The following HTR1F variants were observed in gnomAD, a reference collection of about 807,000 sequenced individuals.
HTR1F encodes the protein 5-hydroxytryptamine receptor 1F, also known as 5-hydroxytryptamine (serotonin) receptor 1F, G protein-coupled.
Under a neutral mutation model 24.0 loss-of-function variants are expected in HTR1F, and 17 were observed. The observed-to-expected ratio is 0.71, with a 90% confidence interval of 0.48 to 1.06. HTR1F has a LOEUF of 1.06. Among genes scored for constraint, HTR1F ranks in the 50% least tolerant of loss-of-function variants. HTR1F has a pLI of 0.00. For synonymous variants in HTR1F, 186 were observed against 156.8 expected (o/e 1.19, Z -1.39); for missense variants, 391 against 427.8 (o/e 0.91, Z 0.76).
chr3:87,870,989 GAA>G (rs35317346), intron 2 of HTR1F, among the ~76,000 whole-genome samples: 22 of 135,148 alleles, frequency 1.6e-4, no homozygotes, highest in Admixed American at 5.3e-4. Context: ...CCAAATCTCA[GAA>G]AAAAAAAAAA....
At chr3:87,819,896 G>C (rs967848470) in intron 1 of HTR1F, among the ~76,000 whole-genome samples, 1 of 151,920 alleles carries the variant, frequency 6.6e-6, no homozygotes, top group Non-Finnish European at 1.5e-5. Context: ...TGAGAAAAAA[G>C]TTAAATAGTA....
chr3:87,883,384 TG>T (rs762355890), intron 2 of HTR1F, among the ~76,000 whole-genome samples: 1 of 152,076 alleles, frequency 6.6e-6, no homozygotes, highest in South Asian at 2.1e-4. Context: ...GCAGAAAAGC[TG>T]AAAATTCTAA....
intron 2 of HTR1F, among the ~76,000 whole-genome samples, chr3:87,922,365 G>T (rs1451903263): frequency 2.0e-5 from 3 of 151,400 alleles, no homozygotes; most frequent in South Asian, 2.1e-4. Flanking sequence ...TTTGAAATCA[G>T]ATTTTTTTCT....
intron 2 of HTR1F, among the ~76,000 whole-genome samples, chr3:87,850,464 G>A (rs1050874050): frequency 6.6e-6 from 1 of 151,740 alleles, no homozygotes; most frequent in African/African-American, 2.4e-5. Flanking sequence ...GTTGTGGGGT[G>A]GGGGGAGTGG....
At chr3:87,823,404 G>T (rs1382682391) in intron 2 of HTR1F, among the ~76,000 whole-genome samples, 1 of 152,034 alleles carries the variant, frequency 6.6e-6, no homozygotes, top group Non-Finnish European at 1.5e-5. Flanking sequence ...CTACTTCGTA[G>T]TTCATCTTCC....
At chr3:87,857,920 T>TAAC (rs1321881729) in intron 2 of HTR1F, among the ~76,000 whole-genome samples, 1 of 152,166 alleles carries the variant, frequency 6.6e-6, no homozygotes, top group Non-Finnish European at 1.5e-5. Flanking sequence ...ATGATAATAA[T>TAAC]AACACTATTA....
chr3:87,946,915 AC>A (rs1293938824), intron 2 of HTR1F, among the ~76,000 whole-genome samples: 15 of 152,126 alleles, frequency 9.9e-5, no homozygotes, highest in Admixed American at 1.3e-4. Context: ...ATGAGCCACC[AC>A]GCCCAGCCCA....
chr3:87,874,401 AAAG>A (rs1705624551), intron 2 of HTR1F, among the ~76,000 whole-genome samples: 1 of 152,154 alleles, frequency 6.6e-6, no homozygotes, highest in African/African-American at 2.4e-5. Flanking sequence ...ATAGCATCAC[AAAG>A]AATAAAATAC....
chr3:87,939,322 G>C (rs1350624224), intron 2 of HTR1F, among the ~76,000 whole-genome samples: 1 of 152,160 alleles, frequency 6.6e-6, no homozygotes, highest in East Asian at 1.9e-4. Context: ...AGGGATATTG[G>C]CCTGAAATTT....
chr3:87,855,794 G>T (rs1188302860), intron 2 of HTR1F, among the ~76,000 whole-genome samples: 1 of 152,024 alleles, frequency 6.6e-6, no homozygotes, highest in Non-Finnish European at 1.5e-5. Context: ...GTCCCTCTCA[G>T]GAATGTGAAT....
chr3:87,934,109 C>T (rs1188575167), intron 2 of HTR1F, among the ~76,000 whole-genome samples: 1 of 152,200 alleles, frequency 6.6e-6, no homozygotes, highest in Non-Finnish European at 1.5e-5. Context: ...AATTTGCAAG[C>T]TATTCATCAG....
intron 2 of HTR1F, among the ~76,000 whole-genome samples, chr3:87,876,436 TAAAAAAG>T (rs1559615158): frequency 1.3e-5 from 2 of 152,104 alleles, no homozygotes; most frequent in South Asian, 4.1e-4. Flanking sequence ...TATTCAGTCT[TAAAAAAG>T]AAAGACATCT....
chr3:87,878,371 A>G (rs1705715823), intron 2 of HTR1F, among the ~76,000 whole-genome samples: 5 of 152,204 alleles, frequency 3.3e-5, no homozygotes, highest in Admixed American at 1.3e-4. Flanking sequence ...TAAATGCTAA[A>G]TCATTTTATG....
intron 2 of HTR1F, among the ~76,000 whole-genome samples, chr3:87,854,485 G>A (rs1190244157): frequency 2.0e-5 from 3 of 151,544 alleles, no homozygotes; most frequent in African/African-American, 7.3e-5. Context: ...CCTAGGGTAG[G>A]TGTGGCTATA....
intron 2 of HTR1F, among the ~76,000 whole-genome samples, chr3:87,845,474 C>A (rs953828276): frequency 9.4e-5 from 14 of 148,492 alleles, no homozygotes; most frequent in Non-Finnish European, 1.6e-4. Context: ...GAGTGAACTC[C>A]CATTCACAAT....
intron 2 of HTR1F, among the ~76,000 whole-genome samples, chr3:87,943,162 G>A (rs1704611513): frequency 6.6e-6 from 1 of 152,140 alleles, no homozygotes; most frequent in Non-Finnish European, 1.5e-5. Flanking sequence ...ACTGCCTGCT[G>A]GCCTGTGGGG....
rs1553676361 is a variant in HTR1F, at chr3:87,920,014, G to GATATATATGTAATATTATATATATATAT, written c.-42-70684_-42-70657dup. On this transcript the variant is annotated intron_variant, in intron 2 of 2. Coordinates refer to ENST00000319595, the MANE Select transcript of HTR1F (RefSeq NM_001322209.2). Reference sequence around the variant, plus strand: ...GTGGATAAAGAAACTGTGTGGGAGAGATATATATGTAATATTATATATATA... The same window carrying GATATATATGTAATATTATATATATATAT: ...GTGGATAAAGAAACTGTGTGGGAGAGATATATATGTAATATTATATATATATATATATATATGTAATATTATATATATA... 4.7e-5 allele frequency among the ~76,000 whole-genome samples: 6 copies of GATATATATGTAATATTATATATATATAT among 126,624 alleles called. No individual in the cohort carries two copies. In the East Asian group the frequency reaches 1.3e-3, roughly 27 times the overall value. The allele number at this position is 126,624 out of a possible 152,430, so 83.1% of individuals were successfully genotyped here. A position where few individuals can be genotyped will look rare whatever the true frequency, so the allele number is the denominator to read the frequency against.
chr3:87,928,949 T>C (rs889951829), intron 2 of HTR1F, among the ~76,000 whole-genome samples: 12 of 152,204 alleles, frequency 7.9e-5, no homozygotes, highest in African/African-American at 2.9e-4. Flanking sequence ...CAACTGGTGA[T>C]AATGTGATAA....
At chr3:87,986,597 T>C (rs145074689) in intron 2 of HTR1F, among the ~76,000 whole-genome samples, 249 of 152,344 alleles carry the variant, frequency 1.6e-3, no homozygotes, top group African/African-American at 5.6e-3. Context: ...CTTGTCAATT[T>C]TGCTACATAA....
Sources: allele counts gnomAD v4.1 joint callset (sites outside exome capture counted in the v4.1 genomes callset), GRCh38; gene constraint gnomAD v4.1.1; transcripts MANE v1.5; gene names NCBI Gene and HGNC (gene_info 2026-07-23, HGNC 2026-07-21).